FER1L5: variants seen among roughly 807,000 people sequenced by gnomAD.
FER1L5 encodes fer-1 like family member 5.
FER1L5 carries 187 observed loss-of-function variants against 279.9 expected under a neutral mutation model. The ratio of observed to expected loss-of-function variants is 0.67; its 90% CI spans 0.59 to 0.75. FER1L5 has a LOEUF of 0.75. Ranked by LOEUF, FER1L5 falls within the 30% of genes least tolerant of loss-of-function variation. The probability of loss-of-function intolerance (pLI) is 0.00; values close to 1 mark genes in which losing one functional copy is unlikely to be tolerated. For synonymous variants in FER1L5, 921 were observed against 989.7 expected (o/e 0.93, Z 1.30); for missense variants, 2,091 against 2,594.4 (o/e 0.81, Z 4.21).
intron 10 of FER1L5, among the ~76,000 whole-genome samples, 153 bp from the exon 11 acceptor site, chr2:96,661,172 T>C (rs2075941134): frequency 6.6e-6 from 1 of 152,180 alleles, no homozygotes; most frequent in South Asian, 2.1e-4. Flanking sequence ...TGCTTCGTGG[T>C]ACGAGTGACT....
rs1417455186 is a variant in FER1L5, at chr2:96,694,472, C to A, written c.3741+8C>A. 2.6e-6 allele frequency: 4 copies of A among 1,535,088 alleles called. No homozygotes were observed. Among genetic ancestry groups the A allele is most frequent in the Non-Finnish European group, 2.6e-6 (3 of 1,137,210 alleles). ...AAGAGGATGGCCATTGAGGTGCTGG[C>A]GATGTGGGATGGGGACGGTGGGCAG... On this transcript the variant is annotated splice_region_variant and intron_variant, in intron 34 of 52. Coordinates refer to ENST00000624922, the MANE Select transcript of FER1L5 (RefSeq NM_001293083.2). This position sits in a 1 kb window ranked among gnomAD's most constrained non-coding sequence, Gnocchi z 4.6.
In FER1L5 at chr2:96,676,288, C is replaced by T. The variant is rs184367886; in HGVS notation, c.1669+3034C>T. Among the ~76,000 whole-genome samples, 1,291 of 152,310 alleles carry T rather than the reference C, an allele frequency of 8.5e-3. 17 individuals are homozygous for T. The highest frequency in any genetic ancestry group is 8.1e-3 in the Admixed American group (124 of 15,304). On this transcript the variant is annotated intron_variant, in intron 19 of 52. Coordinates refer to ENST00000624922, the MANE Select transcript of FER1L5 (RefSeq NM_001293083.2). ...CTGGGTTCAAGCAATTCTCCTGCCT[C>T]AGCCTCCCAAGTAGCTGGGATTACA...
chr2:96,680,975 C>T (rs1327810742), intron 19 of FER1L5, among the ~76,000 whole-genome samples: 1 of 152,250 alleles, frequency 6.6e-6, no homozygotes, highest in Non-Finnish European at 1.5e-5. Flanking sequence ...CTCCTGGCCT[C>T]AGCCTCCCAA....
At chr2:96,678,002 T>A (rs2106618421) in intron 19 of FER1L5, among the ~76,000 whole-genome samples, 1 of 152,348 alleles carries the variant, frequency 6.6e-6, no homozygotes, top group Middle Eastern at 3.4e-3. Context: ...TAAGATGATT[T>A]CAGTTTCTCA....
chr2:96,689,080 TG>T lies in FER1L5; in HGVS notation c.2362-131del. 1 of 1,078,896 alleles carries T rather than the reference TG, an allele frequency of 9.3e-7. No individual in the cohort carries two copies. Among genetic ancestry groups the T allele is most frequent in the Non-Finnish European group, 1.3e-6 (1 of 762,592 alleles). The allele number at this position is 1,078,896 out of a possible 1,614,324, so 66.8% of individuals were successfully genotyped here. A position where few individuals can be genotyped will look rare whatever the true frequency, so the allele number is the denominator to read the frequency against. ...TGCCCTCACCTGTGCAATGGGGACATGGCCCTTTCTTGCCTGGCTACCACAT... is the reference window on the plus strand; with the variant it reads ...TGCCCTCACCTGTGCAATGGGGACATGCCCTTTCTTGCCTGGCTACCACAT... On this transcript the variant is annotated intron_variant, in intron 24 of 52. Coordinates refer to ENST00000624922, the MANE Select transcript of FER1L5 (RefSeq NM_001293083.2). The surrounding 1 kb of genome is among the most constrained non-coding windows in gnomAD (Gnocchi z 4.6).
At chr2:96,679,443 C>T (rs866464203) in intron 19 of FER1L5, among the ~76,000 whole-genome samples, 4 of 152,108 alleles carry the variant, frequency 2.6e-5, no homozygotes, top group African/African-American at 9.7e-5. Context: ...AGGCTGGTCT[C>T]GATCTCGTGA....
At position 96,700,450 on chromosome 2, in the gene FER1L5, C is replaced by T; in HGVS notation, c.5049C>T (p.His1683=). The change falls in exon 45 of 53, where the codon CAC becomes CAT. Residue 1683 remains histidine, a synonymous_variant. Transcript: ENST00000624922. The stretch of plus-strand genomic sequence containing the variant: ...TGGAGACCCGCACACTGTACAGCCA[C>T]AGCCAGCCAGGCATCGACCAGGTAT... The part of the protein sequence containing the change: ...EHVETRTLYS[H]SQPGIDQGKV... The T allele has an allele frequency of 1.2e-6, 2 of 1,613,626 alleles. No homozygotes were observed. Among genetic ancestry groups the T allele is most frequent in the Admixed American group, 1.7e-5 (1 of 60,024 alleles).
At chr2:96,655,558 A>G (rs2075564370) in intron 9 of FER1L5, among the ~76,000 whole-genome samples, 1 of 152,144 alleles carries the variant, frequency 6.6e-6, no homozygotes, top group African/African-American at 2.4e-5. Context: ...CCACCCTTGG[A>G]AAAAAACATA....
In FER1L5 at chr2:96,670,180, T is replaced by C; in HGVS notation, c.1424T>C (p.Ile475Thr). The change falls in exon 18 of 53, where the codon ATC becomes ACC. Residue 475 changes from isoleucine to threonine, a missense_variant. Transcript: ENST00000624922. ...CGAGGCCGAGTCTTCCTGGAGTTAA[T>C]CACCCAAATCAAGTCCTATCAAGAC... ...AYRGRVFLEL[I>T]TQIKSYQDST... is the part of the protein sequence containing the mutation. 6.4e-7 allele frequency: 1 copy of C among 1,551,626 alleles called. No individual in the cohort carries two copies. Among genetic ancestry groups the C allele is most frequent in the Non-Finnish European group, 8.7e-7 (1 of 1,146,976 alleles).
rs374398981 is a variant in FER1L5, at chr2:96,697,932, G to A, written c.4237-105G>A. On this transcript the variant is annotated intron_variant, in intron 39 of 52. Transcript: ENST00000624922. ...AGCACACAGTGCTGGCCCCAGGGCC[G>A]CTGACTGCCAGATGCTTTGGAGTGA... The A allele has an allele frequency of 8.3e-5, 123 of 1,481,688 alleles. No homozygotes were observed. In the African/African-American group the frequency reaches 1.3e-3, roughly 16 times the overall value. 91.8% of individuals were successfully genotyped at this position (1,481,688 alleles called of 1,614,324 possible).
At chr2:96,700,525 G>A in intron 45 of FER1L5, 54 bp downstream of exon 45, 2 of 1,605,762 alleles carry the variant, frequency 1.2e-6, no homozygotes, top group Admixed American at 1.7e-5. Flanking sequence ...TAGATCAGGA[G>A]ACAGAGATGC....
intron 32 of FER1L5, 56 bp from the exon 33 acceptor site, chr2:96,693,851 CCAGA>C (rs2077252643): frequency 1.9e-5 from 28 of 1,492,006 alleles, no homozygotes; most frequent in South Asian, 2.7e-5. Context: ...CTTGAGAAGC[CCAGA>C]CAGAGCTGGG....
rs548462259 is a variant in FER1L5 at position 96,661,703 on chromosome 2, C to T, written c.930C>T (p.Thr310=). ...AGCTGCTCTATGGCACCGATGACAC[C>T]GATATTCAGATCTTCAAGTCAGCGG... ...DQKLLYGTDD[T]DIQIFKSAVV... The change falls in exon 12 of 53, where the codon ACC becomes ACT. Residue 310 remains threonine, a synonymous_variant. Transcript: ENST00000624922. 55 of 1,551,678 alleles carry T rather than the reference C, an allele frequency of 3.5e-5. No individual in the cohort carries two copies. The highest frequency in any genetic ancestry group is 1.5e-4 in the South Asian group (13 of 84,064).
chr2:96,659,290 T>TTGCCTTCCTTCCTTCC (rs1553449027), intron 9 of FER1L5, among the ~76,000 whole-genome samples: 16 of 81,028 alleles, frequency 2.0e-4, no homozygotes, highest in African/African-American at 4.9e-4. Context: ...TTTATCAAGC[T>TTGCCTTCCTTCCTTCC]TTCCTTCCTT....
chr2:96,691,336 C>G lies in FER1L5; in HGVS notation c.2890C>G (p.Leu964Val). ...HGELSHEQET[L>V]SFLQLGLAKG... ...GGAGCTGAGCCACGAGCAGGAGACCCTCTCCTTCCTGCAGCTGGTGAGGGG... is the reference window on the plus strand; with the variant it reads ...GGAGCTGAGCCACGAGCAGGAGACCGTCTCCTTCCTGCAGCTGGTGAGGGG... The change falls in exon 28 of 53, where the codon CTC (leucine) becomes GTC (valine). Residue 964 changes from leucine (L) to valine (V), a missense_variant. By Grantham distance (32) the Leu-to-Val change is conservative (BLOSUM62 1). Transcript: ENST00000624922. This position sits in a 1 kb window ranked among gnomAD's most constrained non-coding sequence, Gnocchi z 6.0. 2.6e-6 allele frequency: 4 copies of G among 1,549,930 alleles called. No homozygotes were observed. Among genetic ancestry groups the G allele is most frequent in the Non-Finnish European group, 3.5e-6 (4 of 1,146,386 alleles).
chr2:96,657,829 A>G (rs974763951), intron 9 of FER1L5, among the ~76,000 whole-genome samples: 5 of 152,122 alleles, frequency 3.3e-5, no homozygotes, highest in African/African-American at 1.2e-4. Context: ...ATATGGATGT[A>G]CTATAGTTTA....
At position 96,701,932 on chromosome 2, in the gene FER1L5, C is replaced by A. The variant is rs749336519; in HGVS notation, c.5071-23C>A. On this transcript the variant is annotated intron_variant, in intron 45 of 52. Coordinates refer to ENST00000624922, the MANE Select transcript of FER1L5 (RefSeq NM_001293083.2). ...AGAACAGAGGCTAGCAACCCCCAAC[C>A]AGTCAATGTATCCCGGCTCTAGGGA... 7 of 1,611,930 alleles carry A rather than the reference C, an allele frequency of 4.3e-6. No homozygotes were observed. In the African/African-American group the frequency reaches 6.7e-5, roughly 15 times the overall value.
At chr2:96,695,273 C>T (rs1214503226) in intron 34 of FER1L5, 1 of 526,034 alleles carries the variant, frequency 1.9e-6, no homozygotes, top group African/African-American at 2.0e-5. Context: ...CCAGAGGTCA[C>T]CTCCCTCATG....
At chr2:96,645,135 A>C (rs2075061187) in intron 1 of FER1L5, among the ~76,000 whole-genome samples, 1 of 152,140 alleles carries the variant, frequency 6.6e-6, no homozygotes, top group South Asian at 2.1e-4. Flanking sequence ...TGGATGTTTC[A>C]GGATGTCTTC....
Sources: gnomAD v4.1 joint callset for allele counts (sites outside exome capture counted in the v4.1 genomes callset) on GRCh38, gnomAD v4.1.1 for gene constraint, Gnocchi (gnomAD v3.1) non-coding constraint, MANE v1.5 for transcripts, NCBI Gene and HGNC (gene_info 2026-07-23, HGNC 2026-07-21) for gene names.